Variants in RABGAP1L observed in about 807,000 individuals in gnomAD.
The protein encoded by RABGAP1L is rab GTPase-activating protein 1-like.
Under a neutral mutation model 137.7 loss-of-function variants are expected in RABGAP1L, and 63 were observed. That is an observed-to-expected ratio of 0.46 (90% CI 0.37 to 0.56). The LOEUF (loss-of-function observed/expected upper bound fraction) is 0.56, where lower values mean the gene tolerates loss of function less well. Ranked by LOEUF, RABGAP1L falls within the 20% of genes least tolerant of loss-of-function variation. The pLI, the probability that RABGAP1L is intolerant of heterozygous loss-of-function variation, is 0.00. For missense variants in RABGAP1L, 1,095 were observed against 1,244.0 expected (o/e 0.88, Z 1.80); for synonymous variants, 431 against 433.7 (o/e 0.99, Z 0.08).
intron 13 of RABGAP1L, among the ~76,000 whole-genome samples, chr1:174,560,136 A>G (rs1053345629): frequency 7.2e-5 from 10 of 139,170 alleles, no homozygotes; most frequent in East Asian, 2.0e-4. Context: ...TCTGTCTCAG[A>G]AAAAAAAAAA....
At chr1:174,443,930 A>G (rs998393324) in intron 13 of RABGAP1L, among the ~76,000 whole-genome samples, 1 of 152,040 alleles carries the variant, frequency 6.6e-6, no homozygotes, top group African/African-American at 2.4e-5. Context: ...CATTGATGGA[A>G]GACACTGTCT....
At chr1:174,636,469 G>A (rs571317071) in intron 13 of RABGAP1L, among the ~76,000 whole-genome samples, 76 of 151,524 alleles carry the variant, frequency 5.0e-4, no homozygotes, top group Non-Finnish European at 9.1e-4. Context: ...CGGAGGTTGC[G>A]GTGAGCCAAG....
chr1:174,983,845 T>G (rs1379719558), intron 24 of RABGAP1L, among the ~76,000 whole-genome samples: 1 of 152,158 alleles, frequency 6.6e-6, no homozygotes, highest in Non-Finnish European at 1.5e-5. Context: ...ATGAGAGATT[T>G]AGTGAGTATA....
intron 19 of RABGAP1L, among the ~76,000 whole-genome samples, chr1:174,841,338 C>T (rs1693373772): frequency 6.6e-6 from 1 of 152,048 alleles, no homozygotes; most frequent in Non-Finnish European, 1.5e-5. Context: ...ATCACCTGGA[C>T]ATTTTAAATT....
intron 18 of RABGAP1L, among the ~76,000 whole-genome samples, chr1:174,801,793 T>C (rs1161233165): frequency 1.6e-5 from 2 of 122,412 alleles, no homozygotes; most frequent in Non-Finnish European, 3.8e-5. Context: ...TGTTTTGTTT[T>C]GTTTTGTAAG....
At chr1:174,603,583 C>T (rs898111590) in intron 13 of RABGAP1L, among the ~76,000 whole-genome samples, 1 of 152,166 alleles carries the variant, frequency 6.6e-6, no homozygotes, top group African/African-American at 2.4e-5. Context: ...CACCACAAGA[C>T]AAAGTCTTTC....
chr1:174,246,509 A>G (rs910075731), intron 5 of RABGAP1L, among the ~76,000 whole-genome samples: 8 of 152,196 alleles, frequency 5.3e-5, no homozygotes, highest in Non-Finnish European at 8.8e-5. Flanking sequence ...GCTTTAAAAT[A>G]TTTGATAAAA....
At chr1:174,239,270 A>G (rs889892741) in intron 4 of RABGAP1L, among the ~76,000 whole-genome samples, 3 of 152,244 alleles carry the variant, frequency 2.0e-5, no homozygotes, top group South Asian at 4.2e-4. Flanking sequence ...AGCTGTTCCT[A>G]TTCGGCCATC....
chr1:174,398,354 A>G (rs1306577830), intron 13 of RABGAP1L, among the ~76,000 whole-genome samples: 4 of 152,104 alleles, frequency 2.6e-5, no homozygotes, highest in Admixed American at 2.0e-4. Flanking sequence ...GCGTGGCTCA[A>G]AACCCCAGTG....
intron 19 of RABGAP1L, among the ~76,000 whole-genome samples, chr1:174,912,191 G>C (rs1464985031): frequency 6.6e-6 from 1 of 152,178 alleles, no homozygotes; most frequent in African/African-American, 2.4e-5. Context: ...CCAGGCTGGA[G>C]TGCAGTGGTG....
chr1:174,164,692 C>G (rs181933097), intron 1 of RABGAP1L, among the ~76,000 whole-genome samples: 3 of 152,210 alleles, frequency 2.0e-5, no homozygotes, highest in Non-Finnish European at 4.4e-5. Context: ...ACATTTATAG[C>G]ACCCCACTGC....
At chr1:174,227,594 C>T (rs1670289028) in intron 3 of RABGAP1L, among the ~76,000 whole-genome samples, 1 of 151,952 alleles carries the variant, frequency 6.6e-6, no homozygotes, top group Non-Finnish European at 1.5e-5. Flanking sequence ...TCTTGTTTTT[C>T]CCCTCCTTTC....
intron 13 of RABGAP1L, among the ~76,000 whole-genome samples, chr1:174,606,792 C>G (rs577121478): frequency 9.9e-4 from 150 of 152,272 alleles, no homozygotes; most frequent in African/African-American, 3.4e-3. Context: ...CAGCTGAGAT[C>G]AGATTTTTCT....
chr1:174,514,835 A>G (rs977068553), intron 13 of RABGAP1L, among the ~76,000 whole-genome samples: 3 of 152,176 alleles, frequency 2.0e-5, no homozygotes, highest in Non-Finnish European at 4.4e-5. Context: ...CTGTTGCAGT[A>G]CTTCTCAATC....
At chr1:174,259,837 A>ATTT (rs57110611) in intron 7 of RABGAP1L, among the ~76,000 whole-genome samples, 1 of 140,442 alleles carries the variant, frequency 7.1e-6, no homozygotes, top group African/African-American at 2.6e-5. Flanking sequence ...TTATTACTGC[A>ATTT]TTTTTTTTTT....
chr1:174,773,163 GGT>G (rs9286899), intron 18 of RABGAP1L, among the ~76,000 whole-genome samples: 2 of 149,638 alleles, frequency 1.3e-5, no homozygotes, highest in African/African-American at 4.9e-5. Context: ...TAAGCTATGG[GGT>G]GTGTGTGTGT....
chr1:174,182,764 C>T (rs762579285), intron 1 of RABGAP1L, among the ~76,000 whole-genome samples: 2 of 152,258 alleles, frequency 1.3e-5, no homozygotes, highest in Admixed American at 6.5e-5. Flanking sequence ...GTAAACAGCT[C>T]TACAACAGTG....
chr1:174,964,900 T>C, intron 20 of RABGAP1L: 1 of 1,470,352 alleles, frequency 6.8e-7, no homozygotes. Context: ...TTTTAGTAGG[T>C]GTTCAATTTC....
intron 19 of RABGAP1L, among the ~76,000 whole-genome samples, chr1:174,831,548 T>C (rs1271551478): frequency 6.7e-6 from 1 of 148,442 alleles, no homozygotes; most frequent in Non-Finnish European, 1.5e-5. Flanking sequence ...TGTTTTGCTA[T>C]AGACAGACTC....
Sources: gnomAD v4.1 joint callset for allele counts (sites outside exome capture counted in the v4.1 genomes callset) on GRCh38, gnomAD v4.1.1 for gene constraint, MANE v1.5 for transcripts, NCBI Gene and HGNC (gene_info 2026-07-23, HGNC 2026-07-21) for gene names.